The following PRKCI variants were observed in gnomAD, a reference collection of about 807,000 sequenced individuals.
The protein encoded by PRKCI is protein kinase C iota type.
PRKCI carries 43 observed loss-of-function variants against 84.0 expected under a neutral mutation model. The ratio of observed to expected loss-of-function variants is 0.51; its 90% CI spans 0.40 to 0.66. The LOEUF is 0.66. Among genes scored for constraint, PRKCI ranks in the 30% least tolerant of loss-of-function variants. The probability of loss-of-function intolerance (pLI) is 0.00; values close to 1 mark genes in which losing one functional copy is unlikely to be tolerated. For missense variants in PRKCI, 459 were observed against 745.6 expected, an observed-to-expected ratio of 0.62 and a Z score of 4.48; for synonymous variants, 216 against 234.4, an observed-to-expected ratio of 0.92 and a Z score of 0.72.
In PRKCI at chr3:170,267,916, A is replaced by G; in HGVS notation, c.366A>G (p.Lys122=). The change falls in exon 5 of 18, where the codon AAA becomes AAG. Residue 122 remains lysine, a splice_region_variant and synonymous_variant. Coordinates refer to ENST00000295797, the MANE Select transcript of PRKCI (RefSeq NM_002740.6). ...RPGMPCPGED[K]SIYRRGARRW... ...TTTTAACTATTACTCTGTCTTCAGA[A>G]TCCATCTACCGTAGAGGTGCACGCC... 1.1e-5 allele frequency: 17 copies of G among 1,595,706 alleles called. No homozygotes were observed. The highest frequency in any genetic ancestry group is 1.5e-5 in the Non-Finnish European group (17 of 1,169,912).
At chr3:170,302,935 T>G in intron 17 of PRKCI, 105 bp from the exon 18 acceptor site, 2 of 687,026 alleles carry the variant, frequency 2.9e-6, no homozygotes, top group Non-Finnish European at 4.5e-6. Context: ...TAGATTTCCT[T>G]TCAGTACAAT....
At chr3:170,286,514 G>A (rs1313684894) in intron 12 of PRKCI, among the ~76,000 whole-genome samples, 2 of 109,324 alleles carry the variant, frequency 1.8e-5, no homozygotes, top group African/African-American at 7.3e-5. Flanking sequence ...TTTTGCCTGT[G>A]AGATACGGGT....
intron 17 of PRKCI, among the ~76,000 whole-genome samples, chr3:170,299,456 A>G (rs1412296098): frequency 5.3e-5 from 8 of 152,038 alleles, no homozygotes; most frequent in Admixed American, 3.9e-4. Context: ...TGAACTCCAG[A>G]CCTCAGGTGA....
chr3:170,234,995 G>T (rs1460821789), intron 1 of PRKCI, among the ~76,000 whole-genome samples: 1 of 151,818 alleles, frequency 6.6e-6, no homozygotes, highest in Non-Finnish European at 1.5e-5. Context: ...GCCCAGGCTG[G>T]TCTTGAGCTC....
intron 2 of PRKCI, among the ~76,000 whole-genome samples, chr3:170,250,923 C>T (rs1488812410): frequency 5.3e-5 from 8 of 152,122 alleles, no homozygotes; most frequent in African/African-American, 1.7e-4. Context: ...ATCATGTTGA[C>T]CTCACTCTCT....
At chr3:170,256,770 C>T (rs547118370) in intron 2 of PRKCI, among the ~76,000 whole-genome samples, 5 of 152,130 alleles carry the variant, frequency 3.3e-5, no homozygotes, top group Admixed American at 1.3e-4. Context: ...GTTCATTTAG[C>T]GCCTTTCTCC....
intron 1 of PRKCI, among the ~76,000 whole-genome samples, chr3:170,232,056 CTT>C (rs906261617): frequency 1.4e-5 from 2 of 145,090 alleles, no homozygotes; most frequent in Admixed American, 6.9e-5. Flanking sequence ...GTATTTTGCA[CTT>C]TTTTTTTTTT....
chr3:170,273,211 G>A, intron 6 of PRKCI, 75 bp from the exon 7 acceptor site: 2 of 1,181,656 alleles, frequency 1.7e-6, no homozygotes, highest in Non-Finnish European at 2.5e-6. Context: ...TATGCTGTGT[G>A]TTGTTGAAAT....
intron 2 of PRKCI, among the ~76,000 whole-genome samples, chr3:170,251,506 A>G (rs1013820658): frequency 6.6e-6 from 1 of 152,242 alleles, no homozygotes; most frequent in African/African-American, 2.4e-5. Flanking sequence ...TAGTCAATTC[A>G]TAAATAACAG....
chr3:170,263,320 C>A, intron 3 of PRKCI, 59 bp from the exon 4 acceptor site: 1 of 1,406,618 alleles, frequency 7.1e-7, no homozygotes, highest in Non-Finnish European at 1.0e-6. Flanking sequence ...ATTTTAAATT[C>A]TGTGTAATTT....
chr3:170,266,048 C>T (rs928624986), intron 4 of PRKCI, among the ~76,000 whole-genome samples: 1 of 151,940 alleles, frequency 6.6e-6, no homozygotes, highest in Non-Finnish European at 1.5e-5. Context: ...ACTTTGGGAA[C>T]CTGTTGTAAT....
intron 1 of PRKCI, among the ~76,000 whole-genome samples, chr3:170,223,484 C>G (rs182966799): frequency 5.5e-4 from 84 of 152,324 alleles, no homozygotes; most frequent in Admixed American, 1.4e-3. Context: ...AGCCTAGTTA[C>G]AGTTTTAAAT....
chr3:170,296,099 C>CT, intron 15 of PRKCI, 109 bp downstream of exon 15: 1 of 561,698 alleles, frequency 1.8e-6, no homozygotes, highest in Non-Finnish European at 2.9e-6. Context: ...GAGAATGTAA[C>CT]TTTTTCAGTT....
intron 2 of PRKCI, among the ~76,000 whole-genome samples, chr3:170,258,830 G>A (rs1733652205): frequency 6.6e-6 from 1 of 152,214 alleles, no homozygotes; most frequent in Non-Finnish European, 1.5e-5. Context: ...GCTCTGTCAT[G>A]TGAAAGGAAA....
intron 17 of PRKCI, among the ~76,000 whole-genome samples, chr3:170,299,695 CCAAGGCTCAGAGAGGTTAAG>C (rs1456225682): frequency 1.3e-5 from 2 of 152,158 alleles, no homozygotes; most frequent in African/African-American, 4.8e-5. Context: ...GATGAGGAAA[CCAAGGCTCAGAGAGGTTAAG>C]CAAAGTTACA....
rs1732519009 is a variant in PRKCI, at chr3:170,222,678, C to T, written c.9C>T (p.Thr3=). The change falls in exon 1 of 18, where the codon ACC becomes ACT. Residue 3 remains threonine (T), a synonymous_variant. Transcript: ENST00000295797. ...GGCGGGGGAGTGAGGAGATGCCGAC[C>T]CAGAGGGACAGCAGCACCATGTCCC... The part of the protein sequence containing the change: MP[T]QRDSSTMSHT... 1 of 1,595,708 alleles carries T rather than the reference C, an allele frequency of 6.3e-7. No individual in the cohort carries two copies. The highest frequency in any genetic ancestry group is 1.3e-5 in the African/African-American group (1 of 74,176).
chr3:170,299,050 G>A lies in PRKCI; in HGVS notation c.1643G>A (p.Gly548Asp), dbSNP rs1249036295. The A allele has an allele frequency of 1.2e-6, 2 of 1,613,380 alleles. No homozygotes were observed. Among genetic ancestry groups the A allele is most frequent in the African/African-American group, 2.7e-5 (2 of 74,880 alleles). Residue 548 changes from glycine to aspartate, a missense_variant, in exon 17 of 18, where the codon GGT becomes GAT. By Grantham distance (94) the Gly-to-Asp change is moderately conservative. Transcript: ENST00000295797. ...PFKPNISGEF[G>D]LDNFDSQFTN... ...AAACCAAATATTTCTGGGGAATTTG[G>A]TTTGGACAACTTTGATTCTCAGTTT...
intron 12 of PRKCI, 54 bp from the exon 13 acceptor site, chr3:170,291,800 A>T (rs1276491252): frequency 2.8e-6 from 4 of 1,420,502 alleles, no homozygotes; most frequent in Non-Finnish European, 9.9e-7. Flanking sequence ...GAAAGGGTGA[A>T]TTTAAAACAG....
At chr3:170,285,639 T>TTA (rs1179514001) in intron 12 of PRKCI, among the ~76,000 whole-genome samples, 1 of 152,226 alleles carries the variant, frequency 6.6e-6, no homozygotes, top group Non-Finnish European at 1.5e-5. Context: ...TTAACTTTAT[T>TTA]ATCTGTTCAG....
Sources: allele counts gnomAD v4.1 joint callset (sites outside exome capture counted in the v4.1 genomes callset), GRCh38; gene constraint gnomAD v4.1.1; transcripts MANE v1.5; gene names NCBI Gene and HGNC (gene_info 2026-07-23, HGNC 2026-07-21).